Variants in RFX7 observed in about 807,000 individuals in gnomAD.
RFX7 encodes regulatory factor X7.
A neutral mutation model predicts 111.8 loss-of-function variants in RFX7; 26 were observed. The observed-to-expected ratio is 0.23, with a 90% CI of 0.17 to 0.32. The LOEUF is 0.32. Ranked by LOEUF, RFX7 falls within the 10% of genes least tolerant of loss-of-function variation. The pLI, the probability that RFX7 is intolerant of heterozygous loss-of-function variation, is 1.00. For synonymous variants in RFX7, 624 were observed against 624.4 expected (o/e 1.00, Z 0.01); for missense variants, 1,573 against 1,772.9 (o/e 0.89, Z 2.02).
At position 56,221,756 on chromosome 15, in the gene RFX7, T is replaced by G. The variant is rs76150858; in HGVS notation, c.161+21369A>C. Among the ~76,000 whole-genome samples, 1,143 of 152,288 alleles carry G rather than the reference T, an allele frequency of 7.5e-3. 12 individuals carry two copies. The highest frequency in any genetic ancestry group is 0.024 in the African/African-American group (1,007 of 41,566). On this transcript the variant is annotated intron_variant, in intron 2 of 9. Transcript: ENST00000559447. Reference sequence around the variant, plus strand: ...TATCCTTAATCTATCACAGTCTACCTTCACTTAATATTGTAAGTTCATCAT... The same window carrying G: ...TATCCTTAATCTATCACAGTCTACCGTCACTTAATATTGTAAGTTCATCAT...
intron 5 of RFX7, among the ~76,000 whole-genome samples, chr15:56,123,679 A>C (rs2042106114): frequency 6.6e-6 from 1 of 152,160 alleles, no homozygotes; most frequent in Admixed American, 6.5e-5. Flanking sequence ...CTGCCTTTCA[A>C]GTTTATTTAG....
chr15:56,125,512 C>G lies in RFX7; in HGVS notation c.401+17266G>C, dbSNP rs1380567687. ...GGGATGTCTTTTCATTTATTTGTAT[C>G]TTCTTTAATTTCTTTTATCACTGTT... On this transcript the variant is annotated intron_variant, in intron 5 of 9. Coordinates refer to ENST00000559447, the MANE Select transcript of RFX7 (RefSeq NM_022841.7). Among the ~76,000 whole-genome samples the G allele has an allele frequency of 3.3e-5, 5 of 151,706 alleles. No homozygotes were observed. In the East Asian group the frequency reaches 7.7e-4, roughly 24 times the overall value.
At chr15:56,142,183 A>G (rs1169657135) in intron 5 of RFX7, among the ~76,000 whole-genome samples, 4 of 152,140 alleles carry the variant, frequency 2.6e-5, no homozygotes, top group African/African-American at 9.7e-5. Context: ...TTTAGCACCT[A>G]TTAACCTTTT....
chr15:56,146,106 A>G (rs182853766), intron 3 of RFX7, among the ~76,000 whole-genome samples: 32 of 151,852 alleles, frequency 2.1e-4, no homozygotes, highest in African/African-American at 7.7e-4. Context: ...TTTTTGTCAA[A>G]TTGTTTTTTT....
At chr15:56,172,658 A>C (rs374253814) in intron 3 of RFX7, among the ~76,000 whole-genome samples, 1 of 152,334 alleles carries the variant, frequency 6.6e-6, no homozygotes, top group East Asian at 1.9e-4. Context: ...GAGTACCACA[A>C]GGCAACTTCC....
chr15:56,120,026 TATA>T (rs2042056767), intron 5 of RFX7, among the ~76,000 whole-genome samples: 1 of 152,184 alleles, frequency 6.6e-6, no homozygotes, highest in Admixed American at 6.5e-5. Context: ...TAGTTTTTTC[TATA>T]ATATTTCTGT....
intron 5 of RFX7, among the ~76,000 whole-genome samples, chr15:56,126,048 T>G (rs567319407): frequency 2.0e-5 from 3 of 152,306 alleles, no homozygotes; most frequent in African/African-American, 7.2e-5. Context: ...TAGTTTTTAT[T>G]TCTTATGGTT....
chr15:56,230,632 C>A (rs1242147425), intron 2 of RFX7, among the ~76,000 whole-genome samples: 2 of 152,186 alleles, frequency 1.3e-5, no homozygotes, highest in East Asian at 3.8e-4. Flanking sequence ...GTTGTCCCCA[C>A]CTTCAAATAG....
chr15:56,201,480 G>A (rs1417713006), intron 2 of RFX7, among the ~76,000 whole-genome samples: 3 of 152,188 alleles, frequency 2.0e-5, no homozygotes, highest in South Asian at 2.1e-4. Flanking sequence ...AAAAAATTAC[G>A]AAGTAATCTC....
At chr15:56,099,072 A>G (rs1303323942) in intron 8 of RFX7, among the ~76,000 whole-genome samples, 7 of 152,206 alleles carry the variant, frequency 4.6e-5, no homozygotes. Flanking sequence ...AATTGACAAA[A>G]TAAGCAAAAT....
At chr15:56,156,204 A>G (rs1156851413) in intron 3 of RFX7, among the ~76,000 whole-genome samples, 4 of 152,124 alleles carry the variant, frequency 2.6e-5, no homozygotes, top group Non-Finnish European at 5.9e-5. Flanking sequence ...GGTTTGTCCA[A>G]ACTAAATCCA....
intron 2 of RFX7, among the ~76,000 whole-genome samples, chr15:56,226,053 AAG>A (rs1159516255): frequency 6.6e-6 from 1 of 152,032 alleles, no homozygotes. Flanking sequence ...AGAAAACAAA[AAG>A]GGGATGGAGA....
rs1420186391 is a variant in RFX7 at position 56,088,794 on chromosome 15, A to T, written c.*4551T>A. 1 of 152,166 alleles carries T rather than the reference A, an allele frequency of 6.6e-6. No individual in the cohort carries two copies. Among genetic ancestry groups the T allele is most frequent in the Admixed American group, 6.6e-5 (1 of 15,266 alleles). The allele number at this position is 152,166 out of a possible 1,614,324, so 9.4% of individuals were successfully genotyped here. On this transcript the variant is annotated 3_prime_UTR_variant, in exon 10 of 10. Transcript: ENST00000559447. ...AATAATACCTGATTTTTCAGCTCAT[A>T]GGGGGAAGGCAAGATACCAGTTAAC...
chr15:56,233,999 T>C (rs1457413131), intron 2 of RFX7, among the ~76,000 whole-genome samples: 1 of 152,192 alleles, frequency 6.6e-6, no homozygotes, highest in Non-Finnish European at 1.5e-5. Flanking sequence ...TAACTCTGAA[T>C]CTAATTTCTG....
At chr15:56,193,789 T>C (rs1440659303) in intron 2 of RFX7, among the ~76,000 whole-genome samples, 11 of 152,150 alleles carry the variant, frequency 7.2e-5, no homozygotes, top group African/African-American at 2.4e-4. Context: ...AGAAAGCATA[T>C]TGTGTTTTCT....
chr15:56,226,153 A>G (rs1453384419), intron 2 of RFX7, among the ~76,000 whole-genome samples: 1 of 152,180 alleles, frequency 6.6e-6, no homozygotes, highest in African/African-American at 2.4e-5. Context: ...AGAAGTGTTG[A>G]GGAAATACTT....
At chr15:56,231,642 A>G (rs2043559117) in intron 2 of RFX7, among the ~76,000 whole-genome samples, 1 of 151,974 alleles carries the variant, frequency 6.6e-6, no homozygotes, top group Admixed American at 6.6e-5. Flanking sequence ...GCCCCCCTCA[A>G]ATCTCATGTC....
chr15:56,172,598 T>C lies in RFX7; in HGVS notation c.195+6672A>G, dbSNP rs181003115. Among the ~76,000 whole-genome samples the C allele has an allele frequency of 5.9e-5, 9 of 152,200 alleles. No individual in the cohort carries two copies. In the East Asian group the frequency reaches 1.5e-3, roughly 26 times the overall value. On this transcript the variant is annotated intron_variant, in intron 3 of 9. Coordinates refer to ENST00000559447, the MANE Select transcript of RFX7 (RefSeq NM_022841.7). ...AAGGGAAAGAAGACAAGAACAGGTATAGAATTGAGCAAGTATTAAGTTAGG... is the reference window on the plus strand; with the variant it reads ...AAGGGAAAGAAGACAAGAACAGGTACAGAATTGAGCAAGTATTAAGTTAGG...
In RFX7 at chr15:56,127,736, C is replaced by T. The variant is rs746779521; in HGVS notation, c.401+15042G>A. ...CTAATTTTTGTATTTTCAGTAGAGA[C>T]GGGGTTTCACCGTGTTAGCCAGGAT... On this transcript the variant is annotated intron_variant, in intron 5 of 9. Coordinates refer to ENST00000559447, the MANE Select transcript of RFX7 (RefSeq NM_022841.7). 1.1e-4 allele frequency among the ~76,000 whole-genome samples: 16 copies of T among 151,552 alleles called. No homozygotes were observed. In the South Asian group the frequency reaches 1.5e-3, roughly 14 times the overall value.
Sources: allele counts gnomAD v4.1 joint callset (sites outside exome capture counted in the v4.1 genomes callset), GRCh38; gene constraint gnomAD v4.1.1; transcripts MANE v1.5; gene names NCBI Gene and HGNC (gene_info 2026-07-23, HGNC 2026-07-21).